The following IFNG-AS1 variants were observed in gnomAD, a reference collection of about 807,000 sequenced individuals.
IFNG-AS1 encodes the protein IFNG regulatory antisense RNA 1.
chr12:68,012,172 T>C (rs1880046929), intron 3 of IFNG-AS1, among the ~76,000 whole-genome samples: 1 of 152,226 alleles, frequency 6.6e-6, no homozygotes, highest in African/African-American at 2.4e-5. Flanking sequence ...TTTTGTTTTT[T>C]CTTTCCTTTT....
chr12:67,997,523 A>G (rs745522713), intron 2 of IFNG-AS1, among the ~76,000 whole-genome samples: 2 of 150,264 alleles, frequency 1.3e-5, no homozygotes, highest in African/African-American at 5.0e-5. Context: ...ATATAAATGT[A>G]AAAAAAAATT....
intron 2 of IFNG-AS1, among the ~76,000 whole-genome samples, chr12:68,004,917 A>G (rs767067347): frequency 2.0e-5 from 3 of 152,132 alleles, no homozygotes; most frequent in Non-Finnish European, 4.4e-5. Flanking sequence ...TTTGCAGTCC[A>G]CTGGCACAGA....
At chr12:68,012,739 A>G (rs73324884) in intron 3 of IFNG-AS1, among the ~76,000 whole-genome samples, 1 of 152,144 alleles carries the variant, frequency 6.6e-6, no homozygotes, top group Non-Finnish European at 1.5e-5. Flanking sequence ...TCATCACCTC[A>G]CAGGCATACC....
chr12:67,994,716 A>T (rs73324874), intron 1 of IFNG-AS1, among the ~76,000 whole-genome samples: 5,600 of 152,292 alleles, frequency 0.037, 229 homozygotes, highest in African/African-American at 0.094. Context: ...GATGAAATAG[A>T]TGTACGTGAA....
chr12:68,015,062 C>T (rs1285157337), intron 3 of IFNG-AS1, among the ~76,000 whole-genome samples: 1 of 152,056 alleles, frequency 6.6e-6, no homozygotes, highest in Non-Finnish European at 1.5e-5. Context: ...AAGCATTTTC[C>T]TAGCCCAGGG....
chr12:67,989,511 CAAAAACTGTAGTCATTTGGGAAGGA>C (rs2120400476), exon 1 of IFNG-AS1: 1 of 152,196 alleles, frequency 6.6e-6, no homozygotes, highest in Admixed American at 6.5e-5. Flanking sequence ...GAAATGCCAG[CAAAAACTGTAGTCATTTGGGAAGGA>C]ATAAGCCTGG....
At chr12:67,996,802 C>G (rs1345681811) in intron 2 of IFNG-AS1, among the ~76,000 whole-genome samples, 1 of 152,198 alleles carries the variant, frequency 6.6e-6, no homozygotes, top group Non-Finnish European at 1.5e-5. Flanking sequence ...GTCAATATTT[C>G]TGCTCTTAAT....
chr12:68,014,493 G>A (rs940985359), intron 3 of IFNG-AS1, among the ~76,000 whole-genome samples: 9 of 152,062 alleles, frequency 5.9e-5, no homozygotes, highest in Non-Finnish European at 7.4e-5. Flanking sequence ...TTCTTGCAGG[G>A]GTAAGATGGT....
At chr12:67,998,425 T>C (rs1879690864) in intron 2 of IFNG-AS1, among the ~76,000 whole-genome samples, 2 of 147,786 alleles carry the variant, frequency 1.4e-5, no homozygotes, top group South Asian at 4.2e-4. Context: ...TCAACTTCTA[T>C]GAAAGAGAGA....
intron 4 of IFNG-AS1, chr12:68,020,878 T>C (rs1010007660): frequency 3.3e-5 from 5 of 152,098 alleles, no homozygotes; most frequent in African/African-American, 1.2e-4. Flanking sequence ...AAAGGTAGGG[T>C]GGGAGTGTTT....
chr12:68,019,096 T>C (rs1880226008), intron 3 of IFNG-AS1, among the ~76,000 whole-genome samples: 1 of 152,124 alleles, frequency 6.6e-6, no homozygotes, highest in Non-Finnish European at 1.5e-5. Flanking sequence ...AGAGGACTCT[T>C]CACTCTATTC....
intron 2 of IFNG-AS1, among the ~76,000 whole-genome samples, chr12:68,004,637 C>T (rs546471602): frequency 2.2e-4 from 33 of 152,352 alleles, no homozygotes; most frequent in Non-Finnish European, 4.4e-4. Context: ...TCTACAGCCT[C>T]TGTGCATCTT....
intron 3 of IFNG-AS1, among the ~76,000 whole-genome samples, chr12:68,016,609 A>G (rs1880162070): frequency 1.3e-5 from 2 of 152,214 alleles, no homozygotes. Flanking sequence ...GTCAGGTGCC[A>G]GGTTCAGAGT....
chr12:68,017,644 A>G (rs1366567516), intron 3 of IFNG-AS1, among the ~76,000 whole-genome samples: 1 of 152,172 alleles, frequency 6.6e-6, no homozygotes, highest in African/African-American at 2.4e-5. Context: ...GAGGCACTAA[A>G]TCCCTCTCTG....
At chr12:68,012,811 G>T (rs540626994) in intron 3 of IFNG-AS1, among the ~76,000 whole-genome samples, 9 of 152,216 alleles carry the variant, frequency 5.9e-5, no homozygotes, top group Non-Finnish European at 1.3e-4. Flanking sequence ...TAGAGTTCAG[G>T]ATGAGGAGGC....
chr12:68,012,615 G>T (rs1478837055), intron 3 of IFNG-AS1, among the ~76,000 whole-genome samples: 1 of 152,228 alleles, frequency 6.6e-6, no homozygotes, highest in Non-Finnish European at 1.5e-5. Flanking sequence ...GTTTGAGGGG[G>T]TGAAGAATCT....
chr12:67,991,436 C>T (rs945609773), intron 1 of IFNG-AS1, among the ~76,000 whole-genome samples: 3 of 152,096 alleles, frequency 2.0e-5, no homozygotes, highest in African/African-American at 7.2e-5. Context: ...GAGCAGTTCA[C>T]AGGGCACACT....
chr12:67,992,003 T>G (rs940199978), intron 1 of IFNG-AS1, among the ~76,000 whole-genome samples: 1 of 152,216 alleles, frequency 6.6e-6, no homozygotes, highest in Non-Finnish European at 1.5e-5. Context: ...AAGGTTAAAG[T>G]TGACTCTAAT....
chr12:68,005,038 C>T (rs908872033), intron 2 of IFNG-AS1, among the ~76,000 whole-genome samples: 1 of 152,162 alleles, frequency 6.6e-6, no homozygotes, highest in African/African-American at 2.4e-5. Flanking sequence ...TCTCCTAAAG[C>T]AATCATGGTG....
Sources: gnomAD v4.1 joint callset for allele counts (sites outside exome capture counted in the v4.1 genomes callset) on GRCh38, gnomAD v4.1.1 for gene constraint, MANE v1.5 for transcripts, NCBI Gene and HGNC (gene_info 2026-07-23, HGNC 2026-07-21) for gene names.